ARHGEF28: variants seen among roughly 807,000 people sequenced by gnomAD.
ARHGEF28 encodes the protein 190 kDa guanine nucleotide exchange factor.
Under a neutral mutation model 206.6 loss-of-function variants are expected in ARHGEF28, and 152 were observed. The ratio of observed to expected loss-of-function variants is 0.74; its 90% confidence interval spans 0.64 to 0.84. The LOEUF is 0.84. Among genes scored for constraint, ARHGEF28 ranks in the 40% least tolerant of loss-of-function variants. ARHGEF28 has a pLI of 0.00. For missense variants in ARHGEF28, 2,028 were observed against 2,073.2 expected, an observed-to-expected ratio of 0.98 and a Z score of 0.42; for synonymous variants, 763 against 776.4, an observed-to-expected ratio of 0.98 and a Z score of 0.29.
intron 9 of ARHGEF28, chr5:73,813,639 C>T: frequency 6.5e-7 from 1 of 1,535,784 alleles, no homozygotes; most frequent in Non-Finnish European, 8.7e-7. Flanking sequence ...CTTCCTTTCC[C>T]AAAATGAAGA....
At chr5:73,626,733 T>A (rs1233825690) in intron 1 of ARHGEF28, among the ~76,000 whole-genome samples, 4 of 152,174 alleles carry the variant, frequency 2.6e-5, no homozygotes, top group African/African-American at 4.8e-5. Flanking sequence ...GCTCCGGGAC[T>A]GAGGGTGCTT....
chr5:73,723,489 A>G (rs188239330), intron 2 of ARHGEF28, among the ~76,000 whole-genome samples: 12 of 152,354 alleles, frequency 7.9e-5, no homozygotes, highest in African/African-American at 2.4e-4. Context: ...CCCAGCCCCA[A>G]GAATGTTTTT....
At chr5:73,828,331 C>G (rs1757041248) in intron 9 of ARHGEF28, among the ~76,000 whole-genome samples, 1 of 152,176 alleles carries the variant, frequency 6.6e-6, no homozygotes. Context: ...ATCCTATTGT[C>G]TTGAGGCATC....
intron 35 of ARHGEF28, among the ~76,000 whole-genome samples, chr5:73,930,185 C>G (rs1400244249): frequency 6.6e-6 from 1 of 152,152 alleles, no homozygotes; most frequent in East Asian, 1.9e-4. Flanking sequence ...ATTGATTTTG[C>G]TCCAAAGTTG....
chr5:73,698,380 T>C (rs1473442847), intron 2 of ARHGEF28, among the ~76,000 whole-genome samples: 1 of 152,104 alleles, frequency 6.6e-6, no homozygotes, highest in Admixed American at 6.6e-5. Flanking sequence ...ATATTCTATG[T>C]TGTTATTGTT....
intron 9 of ARHGEF28, among the ~76,000 whole-genome samples, chr5:73,818,937 T>G (rs1336916549): frequency 2.0e-5 from 3 of 152,164 alleles, no homozygotes; most frequent in African/African-American, 7.2e-5. Flanking sequence ...TTCTGATACA[T>G]TAATTACGTA....
At chr5:73,771,940 T>G (rs865970281) in intron 4 of ARHGEF28, among the ~76,000 whole-genome samples, 9 of 152,292 alleles carry the variant, frequency 5.9e-5, no homozygotes, top group Middle Eastern at 6.8e-3. Flanking sequence ...TTAGATATTT[T>G]GGTATTTTGA....
intron 18 of ARHGEF28, 47 bp from the exon 19 acceptor site, chr5:73,867,829 T>G (rs757246098): frequency 1.7e-5 from 28 of 1,611,790 alleles, no homozygotes; most frequent in Non-Finnish European, 2.3e-5. Context: ...CTTTTACTTG[T>G]AATTACTGAC....
At chr5:73,841,040 T>C (rs187687195) in intron 11 of ARHGEF28, among the ~76,000 whole-genome samples, 1 of 152,304 alleles carries the variant, frequency 6.6e-6, no homozygotes, top group Non-Finnish European at 1.5e-5. Flanking sequence ...TGAGAATGCA[T>C]AACATGGAAA....
At chr5:73,690,033 G>C (rs1747715631) in intron 2 of ARHGEF28, among the ~76,000 whole-genome samples, 1 of 149,106 alleles carries the variant, frequency 6.7e-6, no homozygotes, top group Non-Finnish European at 1.5e-5. Flanking sequence ...AAATTATAAA[G>C]ATATTTTTAT....
At chr5:73,744,025 A>G (rs1195357539) in intron 2 of ARHGEF28, among the ~76,000 whole-genome samples, 2 of 152,138 alleles carry the variant, frequency 1.3e-5, no homozygotes, top group African/African-American at 4.8e-5. Flanking sequence ...GTTCTCTTTA[A>G]TAAACAAGGT....
chr5:73,762,856 A>G (rs1481788892), intron 4 of ARHGEF28, among the ~76,000 whole-genome samples: 3 of 152,352 alleles, frequency 2.0e-5, no homozygotes, highest in East Asian at 3.9e-4. Flanking sequence ...TTCATGTTCC[A>G]TATACTACTT....
At chr5:73,891,939 T>A in intron 26 of ARHGEF28, 113 bp from the exon 27 acceptor site, 1 of 915,562 alleles carries the variant, frequency 1.1e-6, no homozygotes, top group South Asian at 1.9e-5. Flanking sequence ...TTTGAAAAGA[T>A]TGGAAGTGGA....
chr5:73,768,476 C>G (rs1451905125), intron 4 of ARHGEF28, among the ~76,000 whole-genome samples: 1 of 152,166 alleles, frequency 6.6e-6, no homozygotes, highest in Non-Finnish European at 1.5e-5. Context: ...CAAAGGAGAT[C>G]ATTTTTGGAG....
chr5:73,882,872 T>TA (rs1415611569), intron 23 of ARHGEF28, among the ~76,000 whole-genome samples: 2 of 152,254 alleles, frequency 1.3e-5, no homozygotes, highest in East Asian at 3.9e-4. Context: ...TGCCAAGTTA[T>TA]ATATCAGAAA....
intron 1 of ARHGEF28, among the ~76,000 whole-genome samples, chr5:73,682,903 G>A (rs1178653724): frequency 3.9e-5 from 6 of 152,148 alleles, no homozygotes; most frequent in Admixed American, 3.9e-4. Flanking sequence ...GCAGTGGGAG[G>A]GAGGCAAGGG....
chr5:73,739,451 A>C (rs1325622205), intron 2 of ARHGEF28, among the ~76,000 whole-genome samples: 3 of 152,246 alleles, frequency 2.0e-5, no homozygotes, highest in Admixed American at 2.0e-4. Context: ...AATACAGAGA[A>C]TAAAAATAAA....
chr5:73,888,520 C>T (rs1450570509), intron 26 of ARHGEF28, among the ~76,000 whole-genome samples: 1 of 152,086 alleles, frequency 6.6e-6, no homozygotes, highest in Non-Finnish European at 1.5e-5. Flanking sequence ...ATGGTGAGGG[C>T]CATGTAGGAA....
At chr5:73,891,988 G>A (rs2112685424) in intron 26 of ARHGEF28, 64 bp from the exon 27 acceptor site, 10 of 1,468,296 alleles carry the variant, frequency 6.8e-6, no homozygotes, top group East Asian at 2.4e-5. Context: ...TTTAGCTCAT[G>A]TTTTACGGAG....
Sources: gnomAD v4.1 joint callset for allele counts (sites outside exome capture counted in the v4.1 genomes callset) on GRCh38, gnomAD v4.1.1 for gene constraint, MANE v1.5 for transcripts, NCBI Gene and HGNC (gene_info 2026-07-23, HGNC 2026-07-21) for gene names.